TOGARAM1: variants seen among roughly 807,000 people sequenced by gnomAD.
TOGARAM1 encodes the protein TOG array regulator of axonemal microtubules 1, also known as TOG array regulator of axonemal microtubules protein 1.
TOGARAM1 carries 100 observed loss-of-function variants against 166.6 expected under a neutral mutation model. The observed-to-expected ratio is 0.60, with a 90% CI of 0.51 to 0.71. The LOEUF (loss-of-function observed/expected upper bound fraction) is 0.71. Among genes scored for constraint, TOGARAM1 ranks in the 30% least tolerant of loss-of-function variants. TOGARAM1 has a pLI of 0.00. For synonymous variants in TOGARAM1, 758 were observed against 763.8 expected (o/e 0.99, Z 0.13); for missense variants, 2,029 against 2,102.7 (o/e 0.96, Z 0.69).
At chr14:44,966,280 T>G (rs1352739852) in intron 1 of TOGARAM1, among the ~76,000 whole-genome samples, 3 of 150,396 alleles carry the variant, frequency 2.0e-5, no homozygotes, top group Non-Finnish European at 4.4e-5. Context: ...GAGACCAGCC[T>G]GGCCAACATG....
intron 11 of TOGARAM1, among the ~76,000 whole-genome samples, chr14:45,035,610 A>G (rs185091242): frequency 6.6e-6 from 1 of 152,286 alleles, no homozygotes; most frequent in Admixed American, 6.5e-5. Flanking sequence ...AAATATTTCA[A>G]AGGAGATATA....
intron 1 of TOGARAM1, among the ~76,000 whole-genome samples, chr14:44,984,137 A>G (rs929252375): frequency 6.6e-6 from 1 of 152,172 alleles, no homozygotes; most frequent in African/African-American, 2.4e-5. Context: ...TGATTATGAG[A>G]TATGTGTCTA....
At chr14:44,993,361 C>T (rs184971428) in intron 1 of TOGARAM1, among the ~76,000 whole-genome samples, 1 of 151,844 alleles carries the variant, frequency 6.6e-6, no homozygotes, top group Non-Finnish European at 1.5e-5. Context: ...AATTTCCAAC[C>T]ATTATTAATA....
At chr14:45,004,893 T>A (rs923379570) in intron 4 of TOGARAM1, among the ~76,000 whole-genome samples, 1 of 152,258 alleles carries the variant, frequency 6.6e-6, no homozygotes, top group Admixed American at 6.5e-5. Context: ...TCAATATTTA[T>A]TGAATTTTTA....
intron 7 of TOGARAM1, among the ~76,000 whole-genome samples, chr14:45,018,011 A>G (rs960571612): frequency 2.6e-5 from 4 of 152,210 alleles, no homozygotes; most frequent in African/African-American, 9.6e-5. Flanking sequence ...AATTTCCCTT[A>G]CAATAAAAAA....
intron 16 of TOGARAM1, among the ~76,000 whole-genome samples, chr14:45,061,520 G>C (rs369518507): frequency 2.0e-5 from 3 of 152,118 alleles, no homozygotes; most frequent in African/African-American, 7.2e-5. Context: ...ATTAGCTGTA[G>C]GTTTCATAGA....
Position 44,962,388 on chromosome 14 carries a change from G to A in TOGARAM1, c.-34G>A. On this transcript the variant is annotated 5_prime_UTR_variant, in exon 1 of 20. Transcript: ENST00000361462. ...ATCGAGCCCTTTGGAGACGGCAATG[G>A]TTTCTTCCAACCACCACCACCTGAC... The A allele has an allele frequency of 6.6e-7, 1 of 1,512,872 alleles. No individual in the cohort carries two copies. The highest frequency in any genetic ancestry group is 1.4e-5 in the African/African-American group (1 of 71,886). The allele number at this position is 1,512,872 out of a possible 1,614,324, so 93.7% of individuals were successfully genotyped here.
intron 16 of TOGARAM1, among the ~76,000 whole-genome samples, chr14:45,063,894 C>A (rs529228371): frequency 6.6e-6 from 1 of 152,152 alleles, no homozygotes; most frequent in African/African-American, 2.4e-5. Flanking sequence ...AGCAAGGTAT[C>A]CTGCTAGCTC....
chr14:45,062,540 T>C (rs1835605546), intron 16 of TOGARAM1, among the ~76,000 whole-genome samples: 1 of 152,188 alleles, frequency 6.6e-6, no homozygotes, highest in South Asian at 2.1e-4. Context: ...CAATGTTTTT[T>C]AGTACACATG....
intron 1 of TOGARAM1, among the ~76,000 whole-genome samples, chr14:44,967,362 T>TC (rs1013545348): frequency 5.9e-5 from 9 of 151,764 alleles, no homozygotes; most frequent in African/African-American, 1.7e-4. Flanking sequence ...GTAACCCCCC[T>TC]CCCCCCACAA....
intron 2 of TOGARAM1, 97 bp downstream of exon 2, chr14:44,995,999 C>A (rs1887395078): frequency 1.1e-6 from 1 of 925,444 alleles, no homozygotes; most frequent in Non-Finnish European, 1.6e-6. Flanking sequence ...ATCTAGTAGG[C>A]AGTTCAGATT....
intron 7 of TOGARAM1, among the ~76,000 whole-genome samples, chr14:45,013,328 ACTTTT>A (rs1879922977): frequency 2.0e-5 from 3 of 152,170 alleles, no homozygotes; most frequent in African/African-American, 7.2e-5. Flanking sequence ...CAATTGCTTT[ACTTTT>A]CTTTAACTCT....
At chr14:44,993,353 T>C (rs1292851344) in intron 1 of TOGARAM1, among the ~76,000 whole-genome samples, 1 of 151,978 alleles carries the variant, frequency 6.6e-6, no homozygotes, top group East Asian at 1.9e-4. Flanking sequence ...ACTATGTAAA[T>C]TTCCAACCAT....
intron 1 of TOGARAM1, among the ~76,000 whole-genome samples, chr14:44,985,271 C>G (rs987370298): frequency 2.0e-5 from 3 of 152,198 alleles, no homozygotes; most frequent in African/African-American, 7.2e-5. Context: ...CTCGGCCTCC[C>G]AAAGTGCTGG....
intron 8 of TOGARAM1, 90 bp from the exon 9 acceptor site, chr14:45,027,209 C>T: frequency 2.3e-6 from 3 of 1,287,334 alleles, no homozygotes; most frequent in South Asian, 1.4e-5. Context: ...TTGTTTGATT[C>T]TTGAAGGCAA....
intron 1 of TOGARAM1, among the ~76,000 whole-genome samples, chr14:44,991,660 A>G (rs1887141620): frequency 6.6e-6 from 1 of 152,142 alleles, no homozygotes; most frequent in African/African-American, 2.4e-5. Context: ...AAATAAACAG[A>G]TATGTATTGT....
rs369537236 is a variant in TOGARAM1 at position 45,044,868 on chromosome 14, A to T, written c.4152A>T (p.Gln1384His). ...TTGTTTCTCTTATCAATGGTGGACAAAGGTAATGTTCAAAATAACCTTGAA... is the reference window on the plus strand; with the variant it reads ...TTGTTTCTCTTATCAATGGTGGACATAGGTAATGTTCAAAATAACCTTGAA... ...RAVVSLINGG[Q>H]SHLHIAVRRC... Residue 1384 changes from glutamine to histidine, a missense_variant and splice_region_variant, in exon 13 of 20, where the codon CAA becomes CAT. Transcript: ENST00000361462. 3 of 1,604,724 alleles carry T rather than the reference A, an allele frequency of 1.9e-6. No individual in the cohort carries two copies. Among genetic ancestry groups the T allele is most frequent in the African/African-American group, 2.7e-5 (2 of 74,626 alleles).
chr14:45,007,910 C>T (rs1879558160), intron 5 of TOGARAM1: 1 of 152,096 alleles, frequency 6.6e-6, no homozygotes. Flanking sequence ...TGTTATGTGT[C>T]TTGCTCAGGG....
intron 10 of TOGARAM1, among the ~76,000 whole-genome samples, chr14:45,030,534 C>A (rs1881098299): frequency 6.6e-6 from 1 of 151,744 alleles, no homozygotes; most frequent in African/African-American, 2.4e-5. Flanking sequence ...TTGGGATATT[C>A]CAAAGCTGGA....
Sources: allele counts gnomAD v4.1 joint callset (sites outside exome capture counted in the v4.1 genomes callset), GRCh38; gene constraint gnomAD v4.1.1; transcripts MANE v1.5; gene names NCBI Gene and HGNC (gene_info 2026-07-23, HGNC 2026-07-21).